NDST4: variants seen among roughly 807,000 people sequenced by gnomAD.
NDST4 encodes N-deacetylase and N-sulfotransferase 4, also known as N-heparan sulfate sulfotransferase 4.
A neutral mutation model predicts 100.8 loss-of-function variants in NDST4; 63 were observed. The observed-to-expected ratio is 0.62, with a 90% CI of 0.51 to 0.77. The LOEUF (loss-of-function observed/expected upper bound fraction) is 0.77, where lower values mean the gene tolerates loss of function less well. Among genes scored for constraint, NDST4 ranks in the 30% least tolerant of loss-of-function variants. The probability of loss-of-function intolerance (pLI) is 0.00; values close to 1 mark genes in which losing one functional copy is unlikely to be tolerated. For missense variants in NDST4, 943 were observed against 1,018.4 expected (o/e 0.93, Z 1.01); for synonymous variants, 377 against 361.8 (o/e 1.04, Z -0.48).
chr4:115,060,416 A>G (rs892243798), intron 2 of NDST4, among the ~76,000 whole-genome samples: 1 of 152,036 alleles, frequency 6.6e-6, no homozygotes, highest in African/African-American at 2.4e-5. Context: ...GTCTTTAAGC[A>G]TCATAAAAAC....
chr4:115,109,638 G>C (rs1381318372), intron 1 of NDST4, among the ~76,000 whole-genome samples: 1 of 151,804 alleles, frequency 6.6e-6, no homozygotes, highest in Non-Finnish European at 1.5e-5. Context: ...CAAGCATTCA[G>C]ACATAGTTTT....
chr4:114,858,386 G>T lies in NDST4; in HGVS notation c.1720-5565C>A, dbSNP rs188274676. On this transcript the variant is annotated intron_variant, in intron 7 of 13. Coordinates refer to ENST00000264363, the MANE Select transcript of NDST4 (RefSeq NM_022569.3). ...TTGACATGTTATCTTACATACTATT[G>T]CTTGGGATAAGGGAAACTTCTTTCT... 1.3e-3 allele frequency among the ~76,000 whole-genome samples: 203 copies of T among 152,170 alleles called. 2 individuals are homozygous for T. The highest frequency in any genetic ancestry group is 4.6e-3 in the African/African-American group (191 of 41,500).
chr4:114,994,577 A>C (rs545795125), intron 2 of NDST4, among the ~76,000 whole-genome samples: 53 of 152,152 alleles, frequency 3.5e-4, no homozygotes, highest in African/African-American at 1.3e-3. Flanking sequence ...AGGGTAAAGA[A>C]ATTTCCAGTG....
Position 115,022,047 on chromosome 4 carries a change from C to CATTCCACG in NDST4, c.979-44774_979-44773insCGTGGAAT, listed in dbSNP as rs1311960508. On this transcript the variant is annotated intron_variant, in intron 2 of 13. Coordinates refer to ENST00000264363, the MANE Select transcript of NDST4 (RefSeq NM_022569.3). Reference sequence around the variant, plus strand: ...TGTTCCATATCTCTATGTTCCATATCTCTATGTTCCATATATACATTCCAC... The same window carrying CATTCCACG: ...TGTTCCATATCTCTATGTTCCATATCATTCCACGTCTATGTTCCATATATACATTCCAC... Among the ~76,000 whole-genome samples, 14 of 147,144 alleles carry CATTCCACG rather than the reference C, an allele frequency of 9.5e-5. 1 individual carries two copies. Among genetic ancestry groups the CATTCCACG allele is most frequent in the African/African-American group, 3.8e-4 (14 of 37,006 alleles).
chr4:114,883,080 GA>G (rs1348995040), intron 6 of NDST4, among the ~76,000 whole-genome samples: 21 of 151,702 alleles, frequency 1.4e-4, no homozygotes, highest in Admixed American at 6.6e-4. Flanking sequence ...GACTTGCCTT[GA>G]AAAAAGAAAA....
At chr4:114,930,338 C>T (rs745461276) in intron 6 of NDST4, among the ~76,000 whole-genome samples, 2 of 152,114 alleles carry the variant, frequency 1.3e-5, no homozygotes, top group African/African-American at 2.4e-5. Context: ...AGCATCCATG[C>T]GCCTGTTCCA....
intron 6 of NDST4, among the ~76,000 whole-genome samples, chr4:114,925,271 C>A (rs891952248): frequency 6.6e-6 from 1 of 152,156 alleles, no homozygotes; most frequent in African/African-American, 2.4e-5. Flanking sequence ...TCTTTATAAT[C>A]TGCTACAGAC....
chr4:115,021,404 A>C (rs1487396982), intron 2 of NDST4, among the ~76,000 whole-genome samples: 1 of 149,754 alleles, frequency 6.7e-6, no homozygotes, highest in Middle Eastern at 3.6e-3. Context: ...ATTCCATATA[A>C]ATACATTCCA....
chr4:114,967,066 G>A (rs888125887), intron 4 of NDST4, among the ~76,000 whole-genome samples: 5 of 152,050 alleles, frequency 3.3e-5, no homozygotes, highest in Non-Finnish European at 7.4e-5. Context: ...TCTTGATACT[G>A]TTGATGGCTC....
chr4:114,989,483 CT>C (rs1726989113), intron 2 of NDST4, among the ~76,000 whole-genome samples: 1 of 152,096 alleles, frequency 6.6e-6, no homozygotes, highest in Non-Finnish European at 1.5e-5. Context: ...ACAAACAGTC[CT>C]TTGGTTAGGA....
At chr4:114,993,801 C>T (rs1727102601) in intron 2 of NDST4, among the ~76,000 whole-genome samples, 1 of 151,794 alleles carries the variant, frequency 6.6e-6, no homozygotes, top group Non-Finnish European at 1.5e-5. Flanking sequence ...TCAGTTGTAC[C>T]ACTGCAACTC....
intron 13 of NDST4, 65 bp downstream of exon 13, chr4:114,829,725 T>C (rs1213849662): frequency 3.4e-6 from 4 of 1,163,096 alleles, no homozygotes; most frequent in South Asian, 1.4e-5. Flanking sequence ...TTCTTGTTAC[T>C]AGTTTTGAAA....
At chr4:114,986,920 TA>T (rs1726928041) in intron 2 of NDST4, among the ~76,000 whole-genome samples, 1 of 150,068 alleles carries the variant, frequency 6.7e-6, no homozygotes, top group African/African-American at 2.4e-5. Context: ...GATAAATATA[TA>T]TTTTAACTTC....
chr4:114,922,866 G>A lies in NDST4; in HGVS notation c.1536+12340C>T, dbSNP rs146515682. ...GGATACATATAGTAGAGGTGAAGAA[G>A]ATAGTCACTAAACAGGTACCACCAT... On this transcript the variant is annotated intron_variant, in intron 6 of 13. Transcript: ENST00000264363. Among the ~76,000 whole-genome samples, 216 of 152,296 alleles carry A rather than the reference G, an allele frequency of 1.4e-3. 1 individual carries two copies. The highest frequency in any genetic ancestry group is 5.0e-3 in the African/African-American group (209 of 41,550).
intron 6 of NDST4, among the ~76,000 whole-genome samples, chr4:114,876,950 A>T (rs994662732): frequency 1.1e-4 from 16 of 152,176 alleles, no homozygotes; most frequent in Non-Finnish European, 1.6e-4. Context: ...GTTTCAGGTG[A>T]CTGTCTGAGT....
At chr4:115,007,974 T>C (rs552257907) in intron 2 of NDST4, among the ~76,000 whole-genome samples, 1 of 129,518 alleles carries the variant, frequency 7.7e-6, no homozygotes, top group Non-Finnish European at 1.7e-5. Context: ...TATTTTTAAA[T>C]CCACCACACA....
chr4:114,958,101 G>A (rs1261045624), intron 4 of NDST4, among the ~76,000 whole-genome samples: 1 of 152,230 alleles, frequency 6.6e-6, no homozygotes, highest in Non-Finnish European at 1.5e-5. Context: ...TGGGGATTCT[G>A]TGTGGGGGCT....
At chr4:115,043,847 T>A (rs1040630256) in intron 2 of NDST4, among the ~76,000 whole-genome samples, 1 of 152,108 alleles carries the variant, frequency 6.6e-6, no homozygotes, top group African/African-American at 2.4e-5. Flanking sequence ...GTATGAAGTA[T>A]CATAGCATTT....
chr4:114,997,555 A>C (rs543101084), intron 2 of NDST4, among the ~76,000 whole-genome samples: 4 of 152,206 alleles, frequency 2.6e-5, no homozygotes, highest in African/African-American at 7.2e-5. Context: ...ATATTGAAGC[A>C]TAAATATTAC....
Sources: allele counts gnomAD v4.1 joint callset (sites outside exome capture counted in the v4.1 genomes callset), GRCh38; gene constraint gnomAD v4.1.1; transcripts MANE v1.5; gene names NCBI Gene and HGNC (gene_info 2026-07-23, HGNC 2026-07-21).